Variants in CSMD1 observed in about 807,000 individuals in gnomAD.
CSMD1 encodes the protein CUB and Sushi multiple domains 1.
In CSMD1, 213 loss-of-function variants were observed where a neutral mutation model predicts 417.5. That is an observed-to-expected ratio of 0.51 (90% confidence interval 0.46 to 0.57). CSMD1 has a LOEUF of 0.57. CSMD1 is among the 20% of genes least tolerant of loss of function. The pLI is 0.00. For missense variants in CSMD1, 6,923 were observed against 4,529.7 expected (o/e 1.53, Z -15.17); for synonymous variants, 2,862 against 1,736.8 (o/e 1.65, Z -16.11).
chr8:4,289,676 G>C (rs187785921), intron 3 of CSMD1, among the ~76,000 whole-genome samples: 4 of 152,282 alleles, frequency 2.6e-5, no homozygotes, highest in East Asian at 1.9e-4. Flanking sequence ...ATGTGCTCAA[G>C]ACATGAGCAA....
chr8:3,974,570 C>G (rs899250174), intron 5 of CSMD1, among the ~76,000 whole-genome samples: 1 of 151,866 alleles, frequency 6.6e-6, no homozygotes, highest in African/African-American at 2.4e-5. Context: ...GCTTTCAGAA[C>G]TAGTGGCAAT....
At chr8:3,384,397 A>G (rs1810837354) in intron 18 of CSMD1, among the ~76,000 whole-genome samples, 1 of 151,814 alleles carries the variant, frequency 6.6e-6, no homozygotes, top group African/African-American at 2.4e-5. Context: ...GAATAATTAT[A>G]TTATAAATTA....
chr8:4,003,832 G>C (rs1229789069), intron 4 of CSMD1, among the ~76,000 whole-genome samples: 1 of 119,644 alleles, frequency 8.4e-6, no homozygotes, highest in Non-Finnish European at 1.8e-5. Context: ...TTCTACCAAG[G>C]TCATTATGTG....
At chr8:3,009,410 T>C (rs987581268) in intron 52 of CSMD1, among the ~76,000 whole-genome samples, 5 of 152,250 alleles carry the variant, frequency 3.3e-5, no homozygotes, top group African/African-American at 1.2e-4. Flanking sequence ...TGCTTTATTC[T>C]ATCCATTCTA....
intron 5 of CSMD1, among the ~76,000 whole-genome samples, chr8:3,942,583 A>G (rs1810955849): frequency 6.6e-6 from 1 of 152,122 alleles, no homozygotes; most frequent in Non-Finnish European, 1.5e-5. Flanking sequence ...AGAGAGATAG[A>G]TGTAGTTTTT....
intron 1 of CSMD1, among the ~76,000 whole-genome samples, chr8:4,753,190 G>A (rs933332504): frequency 3.3e-5 from 5 of 152,082 alleles, no homozygotes; most frequent in African/African-American, 1.2e-4. Flanking sequence ...ATGGAGACAG[G>A]AGTAAGGCCC....
At chr8:3,644,039 A>T (rs1797448943) in intron 7 of CSMD1, among the ~76,000 whole-genome samples, 1 of 152,208 alleles carries the variant, frequency 6.6e-6, no homozygotes, top group African/African-American at 2.4e-5. Flanking sequence ...TTTGAAACAC[A>T]AGGAATCAAA....
rs59601832 is a variant in CSMD1 at position 3,987,820 on chromosome 8, G to C, written c.818+10083C>G. ...AAGCATAGCCTTATCCAAACCCATA[G>C]TTCCAGATGTTAATTGACAGCCTGC... On this transcript the variant is annotated intron_variant, in intron 5 of 69. Coordinates refer to ENST00000635120, the MANE Select transcript of CSMD1 (RefSeq NM_033225.6). 4.7e-3 allele frequency among the ~76,000 whole-genome samples: 723 copies of C among 152,310 alleles called. 6 individuals carry two copies. Among genetic ancestry groups the C allele is most frequent in the African/African-American group, 0.011 (441 of 41,570 alleles).
chr8:4,847,658 T>C (rs1401072043), intron 1 of CSMD1, among the ~76,000 whole-genome samples: 1 of 152,136 alleles, frequency 6.6e-6, no homozygotes, highest in East Asian at 1.9e-4. Context: ...TTAGACATGG[T>C]TTCTCCTTAA....
At position 4,698,638 on chromosome 8, in the gene CSMD1, G is replaced by T. The variant is rs542329325; in HGVS notation, c.86-61080C>A. On this transcript the variant is annotated intron_variant, in intron 1 of 69. Coordinates refer to ENST00000635120, the MANE Select transcript of CSMD1 (RefSeq NM_033225.6). ...GTTCTAAGGAGCAGGAAGTTTAATA[G>T]GCAAGAAGGAAGGGAGAAGACAGGA... 7.0e-5 allele frequency among the ~76,000 whole-genome samples: 10 copies of T among 143,268 alleles called. No individual in the cohort carries two copies. In the East Asian group the frequency reaches 2.0e-3, roughly 29 times the overall value. The allele number at this position is 143,268 out of a possible 152,430, so 94.0% of individuals were successfully genotyped here.
In CSMD1 at chr8:3,399,435, T is replaced by C; in HGVS notation, c.2361A>G (p.Ile787Met). The change falls in exon 16 of 70, where the codon ATA becomes ATG. Residue 787 changes from isoleucine (I) to methionine (M), a missense_variant. Coordinates refer to ENST00000635120, the MANE Select transcript of CSMD1 (RefSeq NM_033225.6). ...TAGAGTGGCCTGGTTTTGCTTCAAT[T>C]ATCCATTCACAATGTAAAGAATCCT... ...YYKDSLHCEW[I>M]IEAKPGHSIK... is the part of the protein sequence containing the mutation. 6.2e-7 allele frequency: 1 copy of C among 1,609,030 alleles called. No individual in the cohort carries two copies. Among genetic ancestry groups the C allele is most frequent in the Non-Finnish European group, 8.5e-7 (1 of 1,177,826 alleles).
At chr8:3,303,720 T>C (rs17320091) in intron 25 of CSMD1, among the ~76,000 whole-genome samples, 12,592 of 152,286 alleles carry the variant, frequency 0.083, 715 homozygotes, top group Admixed American at 0.14. Context: ...CTGTTACTTT[T>C]GTTACATAAA....
At chr8:3,349,403 G>A (rs975463739) in intron 21 of CSMD1, among the ~76,000 whole-genome samples, 1 of 152,112 alleles carries the variant, frequency 6.6e-6, no homozygotes, top group East Asian at 1.9e-4. Flanking sequence ...ATTTGTGCAC[G>A]TTGAATCTCA....
At chr8:3,654,729 G>T (rs908302658) in intron 7 of CSMD1, among the ~76,000 whole-genome samples, 1 of 152,200 alleles carries the variant, frequency 6.6e-6, no homozygotes, top group South Asian at 2.1e-4. Flanking sequence ...CATCTCTGCA[G>T]GTGATGAAGT....
intron 6 of CSMD1, among the ~76,000 whole-genome samples, chr8:3,717,754 C>G (rs1002924397): frequency 2.6e-5 from 4 of 152,118 alleles, no homozygotes; most frequent in African/African-American, 9.7e-5. Context: ...GCCTTTATGA[C>G]CTCTTTGAAC....
At chr8:4,763,293 T>A (rs944244275) in intron 1 of CSMD1, among the ~76,000 whole-genome samples, 1 of 152,174 alleles carries the variant, frequency 6.6e-6, no homozygotes, top group African/African-American at 2.4e-5. Context: ...TTTGTAGATA[T>A]AAAGTAACTC....
chr8:4,853,369 T>G (rs987085254), intron 1 of CSMD1, among the ~76,000 whole-genome samples: 1 of 152,162 alleles, frequency 6.6e-6, no homozygotes, highest in African/African-American at 2.4e-5. Context: ...TCCAGCTCTA[T>G]CCATGGCTCA....
chr8:3,523,229 T>C (rs539515649), intron 10 of CSMD1, among the ~76,000 whole-genome samples: 26 of 152,308 alleles, frequency 1.7e-4, no homozygotes, highest in African/African-American at 5.3e-4. Context: ...CTATGGATCA[T>C]AGTAAGACCT....
At chr8:3,803,361 G>A (rs1800562377) in intron 5 of CSMD1, among the ~76,000 whole-genome samples, 1 of 152,164 alleles carries the variant, frequency 6.6e-6, no homozygotes, top group Admixed American at 6.5e-5. Context: ...GACAAGACTT[G>A]AATGGTAAGC....
Sources: allele counts gnomAD v4.1 joint callset (sites outside exome capture counted in the v4.1 genomes callset), GRCh38; gene constraint gnomAD v4.1.1; transcripts MANE v1.5; gene names NCBI Gene and HGNC (gene_info 2026-07-23, HGNC 2026-07-21).